Variants in TOR1B observed in about 807,000 individuals in gnomAD.
The protein encoded by TOR1B is torsin-1B.
TOR1B carries 14 observed loss-of-function variants against 29.2 expected under a neutral mutation model. That is an observed-to-expected ratio of 0.48 (90% confidence interval 0.32 to 0.75). The LOEUF is 0.75. Among genes scored for constraint, TOR1B ranks in the 30% least tolerant of loss-of-function variants. TOR1B has a pLI of 0.04. For synonymous variants in TOR1B, 166 were observed against 179.8 expected (o/e 0.92, Z 0.62); for missense variants, 400 against 433.9 (o/e 0.92, Z 0.69).
intron 2 of TOR1B, among the ~76,000 whole-genome samples, chr9:129,805,283 C>T (rs2030415944): frequency 1.3e-5 from 2 of 152,012 alleles, no homozygotes; most frequent in South Asian, 2.1e-4. Context: ...GGAGAAACCC[C>T]GTCTCTACTG....
chr9:129,807,771 G>A (rs375385487), intron 3 of TOR1B, among the ~76,000 whole-genome samples: 4 of 151,856 alleles, frequency 2.6e-5, no homozygotes, highest in African/African-American at 4.8e-5. Flanking sequence ...GCGTGAACCC[G>A]GGAGGCGGAG....
intron 3 of TOR1B, among the ~76,000 whole-genome samples, chr9:129,807,794 C>T (rs1012552893): frequency 5.3e-5 from 8 of 150,504 alleles, no homozygotes; most frequent in East Asian, 2.0e-4. Flanking sequence ...TGCAGTGAGC[C>T]GGGATCACAC....
At chr9:129,804,836 CA>C (rs34803368) in intron 2 of TOR1B, among the ~76,000 whole-genome samples, 476 of 50,376 alleles carry the variant, frequency 9.4e-3, no homozygotes, top group South Asian at 0.032. Flanking sequence ...TACTCGGTCT[CA>C]AAAAAAAAAA....
intron 4 of TOR1B, 133 bp from the exon 5 acceptor site, chr9:129,809,209 T>C (rs1473619856): frequency 2.2e-5 from 34 of 1,534,654 alleles, no homozygotes; most frequent in Non-Finnish European, 2.9e-5. Flanking sequence ...AGCTGAGTCC[T>C]GCATGGGCTT....
chr9:129,803,284 G>T lies in TOR1B; in HGVS notation c.72G>T (p.Ala24=). 1 of 1,574,646 alleles carries T rather than the reference G, an allele frequency of 6.4e-7. No individual in the cohort carries two copies. The highest frequency in any genetic ancestry group is 8.6e-7 in the Non-Finnish European group (1 of 1,165,092). The change falls in exon 1 of 5, where the codon GCG becomes GCT. Residue 24 remains alanine, a synonymous_variant. Coordinates refer to ENST00000259339, the MANE Select transcript of TOR1B (RefSeq NM_014506.3). The part of the protein sequence containing the change: ...ALLLAARVVA[A]FEPITVGLAI... Reference sequence around the variant, plus strand: ...TGCTGGCGGCCCGAGTGGTGGCGGCGTTCGAGCCCATCACCGTGGGCCTAG... The same window carrying T: ...TGCTGGCGGCCCGAGTGGTGGCGGCTTTCGAGCCCATCACCGTGGGCCTAG...
At chr9:129,806,682 G>A (rs1224757999) in intron 2 of TOR1B, among the ~76,000 whole-genome samples, 1 of 152,150 alleles carries the variant, frequency 6.6e-6, no homozygotes, top group Non-Finnish European at 1.5e-5. Context: ...TTTGAGACGA[G>A]CCTGGCCAAC....
chr9:129,810,589 G>A lies in TOR1B; in HGVS notation c.*1006G>A, dbSNP rs1399735910. On this transcript the variant is annotated 3_prime_UTR_variant, in exon 5 of 5. Transcript: ENST00000259339. ...AGACCGTTGGCTTTGAATTTGAGTC[G>A]TTGGTTCCCATGGTGAGATGCTTGT... 12 of 323,540 alleles carry A rather than the reference G, an allele frequency of 3.7e-5. No homozygotes were observed. Among genetic ancestry groups the A allele is most frequent in the South Asian group, 7.1e-5 (1 of 14,058 alleles). The allele number at this position is 323,540 out of a possible 1,614,324, so 20.0% of individuals were successfully genotyped here.
chr9:129,809,847 A>G lies in TOR1B; in HGVS notation c.*264A>G, dbSNP rs904351771. The G allele has an allele frequency of 2.0e-5, 27 of 1,341,276 alleles. No homozygotes were observed. The highest frequency in any genetic ancestry group is 8.8e-5 in the African/African-American group (6 of 67,820). 83.1% of individuals were successfully genotyped at this position (1,341,276 alleles called of 1,614,324 possible). On this transcript the variant is annotated 3_prime_UTR_variant, in exon 5 of 5. Coordinates refer to ENST00000259339, the MANE Select transcript of TOR1B (RefSeq NM_014506.3). ...CTCCCGAGTAGCTGGGATTACAGGC[A>G]TGAGCCACTGTGCCCAGCTGGGATA...
intron 2 of TOR1B, among the ~76,000 whole-genome samples, chr9:129,806,120 CAAAAAAA>C (rs34263616): frequency 7.3e-5 from 9 of 122,618 alleles, no homozygotes; most frequent in African/African-American, 2.1e-4. Context: ...GACTCTATCT[CAAAAAAA>C]AAAAAAAAAA....
Position 129,809,722 on chromosome 9 carries a change from A to G in TOR1B, c.*139A>G. 2 of 1,455,982 alleles carry G rather than the reference A, an allele frequency of 1.4e-6. No homozygotes were observed. The highest frequency in any genetic ancestry group is 1.8e-6 in the Non-Finnish European group (2 of 1,112,194). The allele number at this position is 1,455,982 out of a possible 1,614,324, so 90.2% of individuals were successfully genotyped here. A position where few individuals can be genotyped will look rare whatever the true frequency, so the allele number is the denominator to read the frequency against. On this transcript the variant is annotated 3_prime_UTR_variant, in exon 5 of 5. Transcript: ENST00000259339. ...TTTTGGGTATAGAATCTTTTTTTTG[A>G]GAAGAGGTCTCACTCCGTCATCCAA...
chr9:129,808,815 G>C, intron 3 of TOR1B, 90 bp from the exon 4 acceptor site: 1 of 1,534,062 alleles, frequency 6.5e-7, no homozygotes, highest in Non-Finnish European at 8.9e-7. Context: ...GCCTCCCAAA[G>C]TGCTGGGATT....
intron 3 of TOR1B, among the ~76,000 whole-genome samples, chr9:129,807,744 A>T (rs2030581553): frequency 6.6e-6 from 1 of 151,456 alleles, no homozygotes; most frequent in Admixed American, 6.6e-5. Context: ...TACTCGGGAG[A>T]CTGAGGCAAG....
In TOR1B at chr9:129,809,351, G is replaced by T; in HGVS notation, c.779G>T (p.Trp260Leu). The T allele has an allele frequency of 1.2e-6, 2 of 1,614,130 alleles. No homozygotes were observed. Among genetic ancestry groups the T allele is most frequent in the Non-Finnish European group, 1.7e-6 (2 of 1,180,010 alleles). The change falls in exon 5 of 5, where the codon TGG becomes TTG. Residue 260 changes from tryptophan (W) to leucine (L), a missense_variant. Trp to Leu is a moderately conservative substitution (Grantham distance 61, BLOSUM62 -2). Transcript: ENST00000259339. ...GVFNNKHSGL[W>L]HSGLIDKNLI... is the part of the protein sequence containing the mutation. Reference sequence around the variant, plus strand: ...GTGTCTTGTTCTGCAGGTGGCCTGTGGCACAGTGGACTGATCGACAAAAAC... The same window carrying T: ...GTGTCTTGTTCTGCAGGTGGCCTGTTGCACAGTGGACTGATCGACAAAAAC...
chr9:129,804,632 G>A (rs766102415), intron 2 of TOR1B, among the ~76,000 whole-genome samples: 1 of 152,004 alleles, frequency 6.6e-6, no homozygotes, highest in Non-Finnish European at 1.5e-5. Context: ...AAGCCGAGGC[G>A]GGCGGATCAT....
intron 1 of TOR1B, 35 bp downstream of exon 1, chr9:129,803,446 CGGGGGGCGCGGGGGCGCGGG>C: frequency 3.3e-6 from 3 of 918,710 alleles, no homozygotes; most frequent in Non-Finnish European, 4.1e-6. Flanking sequence ...GTCGGCGCTG[CGGGGGGCGCGGGGGCGCGGG>C]GGCGCGGAGG....
At chr9:129,806,046 G>A (rs1048474895) in intron 2 of TOR1B, among the ~76,000 whole-genome samples, 12 of 151,770 alleles carry the variant, frequency 7.9e-5, no homozygotes, top group Non-Finnish European at 7.4e-5. Context: ...GCTTGAGCCC[G>A]GGAGGCTGAG....
Position 129,803,255 on chromosome 9 carries a change from C to A in TOR1B, c.43C>A (p.Leu15Met). The change falls in exon 1 of 5, where the codon CTG (leucine) becomes ATG (methionine). Residue 15 changes from leucine to methionine, a missense_variant. By Grantham distance (15) the Leu-to-Met change is conservative. Transcript: ENST00000259339. ...GCTCCGGGGCGCGGCGGCGCTGGCG[C>A]TGCTGCTGGCGGCCCGAGTGGTGGC... Reference protein sequence around the residue: ...GWLRGAAALALLLAARVVAAF... With the variant: ...GWLRGAAALAMLLAARVVAAF... 6.4e-7 allele frequency: 1 copy of A among 1,555,242 alleles called. No homozygotes were observed. The highest frequency in any genetic ancestry group is 2.5e-5 in the East Asian group (1 of 40,374).
intron 2 of TOR1B, among the ~76,000 whole-genome samples, chr9:129,806,511 C>T (rs1360519496): frequency 1.3e-5 from 2 of 152,164 alleles, no homozygotes; most frequent in Non-Finnish European, 2.9e-5. Flanking sequence ...CCTTATTCCT[C>T]AGTATGTCTG....
At position 129,809,137 on chromosome 9, in the gene TOR1B, C is replaced by G. The variant is rs1281135799; in HGVS notation, c.769+105C>G. 5 of 1,524,780 alleles carry G rather than the reference C, an allele frequency of 3.3e-6. No homozygotes were observed. In the Admixed American group the frequency reaches 8.9e-5, roughly 27 times the overall value. 94.5% of individuals were successfully genotyped at this position (1,524,780 alleles called of 1,614,324 possible). ...CACAGGATCCCACTGGATTTCCTCA[C>G]TTTGCTAAAGTCAGGAATTTTCTTA... is the stretch of plus-strand genomic sequence containing the variant. On this transcript the variant is annotated intron_variant, in intron 4 of 4. Coordinates refer to ENST00000259339, the MANE Select transcript of TOR1B (RefSeq NM_014506.3).
Sources: gnomAD v4.1 joint callset for allele counts (sites outside exome capture counted in the v4.1 genomes callset) on GRCh38, gnomAD v4.1.1 for gene constraint, MANE v1.5 for transcripts, NCBI Gene and HGNC (gene_info 2026-07-23, HGNC 2026-07-21) for gene names.